The following ABI2 variants were observed in gnomAD, a reference collection of about 807,000 sequenced individuals.
ABI2 encodes abl interactor 2.
A neutral mutation model predicts 59.2 loss-of-function variants in ABI2; 25 were observed. The ratio of observed to expected loss-of-function variants is 0.42; its 90% CI spans 0.31 to 0.59. The LOEUF (loss-of-function observed/expected upper bound fraction) is 0.59. ABI2 is among the 20% of genes least tolerant of loss of function. ABI2 has a pLI of 0.14. For synonymous variants in ABI2, 213 were observed against 235.5 expected, an observed-to-expected ratio of 0.90 and a Z score of 0.87; for missense variants, 545 against 681.8, an observed-to-expected ratio of 0.80 and a Z score of 2.23.
At chr2:203,421,995 G>C (rs1276769887) in intron 11 of ABI2, among the ~76,000 whole-genome samples, 2 of 150,078 alleles carry the variant, frequency 1.3e-5, no homozygotes, top group South Asian at 2.1e-4. Flanking sequence ...TCTAGAAAGA[G>C]AGCCAGTTGC....
intron 1 of ABI2, among the ~76,000 whole-genome samples, chr2:203,338,939 TATATATATATATATATATATATAA>T (rs1188602673): frequency 2.6e-3 from 13 of 5,032 alleles, no homozygotes; most frequent in African/African-American, 3.7e-3. Context: ...TATATGTATA[TATATATATATATATATATATATAA>T]ATATATATAT....
rs2098471447 is a variant in ABI2, at chr2:203,430,184, GTTTTA to G, written c.*2835_*2839del. 6.6e-6 allele frequency: 1 copy of G among 152,028 alleles called. No homozygotes were observed. Among genetic ancestry groups the G allele is most frequent in the Admixed American group, 6.5e-5 (1 of 15,270 alleles). The allele number at this position is 152,028 out of a possible 1,614,324, so 9.4% of individuals were successfully genotyped here. On this transcript the variant is annotated 3_prime_UTR_variant, in exon 12 of 12. Transcript: ENST00000261018. ...ATCATCTGTGAGGGTAGTATTTTTT[GTTTTA>G]TTGTAAGTTTCCCTCTTTTTTTATA...
At chr2:203,407,503 G>C (rs1309076430) in intron 9 of ABI2, among the ~76,000 whole-genome samples, 1 of 152,086 alleles carries the variant, frequency 6.6e-6, no homozygotes, top group Non-Finnish European at 1.5e-5. Flanking sequence ...TTTTGAATTG[G>C]ACATCTAAAA....
intron 9 of ABI2, among the ~76,000 whole-genome samples, chr2:203,410,084 C>G (rs2097592487): frequency 6.6e-6 from 1 of 152,184 alleles, no homozygotes; most frequent in Non-Finnish European, 1.5e-5. Context: ...ACTTGCTTCT[C>G]TCAACTTGAT....
intron 8 of ABI2, among the ~76,000 whole-genome samples, chr2:203,399,958 T>C: frequency 6.6e-6 from 1 of 152,062 alleles, no homozygotes. Context: ...AAAGATTTTG[T>C]TCTGTGTTTT....
chr2:203,394,187 G>A (rs967053129), intron 5 of ABI2, among the ~76,000 whole-genome samples: 1 of 152,154 alleles, frequency 6.6e-6, no homozygotes, highest in African/African-American at 2.4e-5. Context: ...TTTAATTTCT[G>A]TATATTTGGT....
rs1371762648 is a variant in ABI2 at position 203,392,446 on chromosome 2, T to G, written c.578+1303T>G. ...GTGGAGGATAGTGCTGGAAGAGAGA[T>G]AATAGGACAGTAGGAGACCAAAGAA... On this transcript the variant is annotated intron_variant, in intron 5 of 11. Coordinates refer to ENST00000261018, the MANE Select transcript of ABI2 (RefSeq NM_001375670.1). 2.6e-5 allele frequency among the ~76,000 whole-genome samples: 4 copies of G among 152,108 alleles called. No homozygotes were observed. The East Asian group carries it at 7.7e-4, about 29-fold the overall frequency.
intron 2 of ABI2, chr2:203,376,197 C>A (rs1252468211): frequency 4.0e-6 from 5 of 1,253,074 alleles, no homozygotes; most frequent in Non-Finnish European, 4.4e-6. Context: ...GAAGTTTTGC[C>A]CCCAAGGGGA....
chr2:203,359,913 A>G (rs185804755), intron 1 of ABI2, among the ~76,000 whole-genome samples: 2 of 152,246 alleles, frequency 1.3e-5, no homozygotes, highest in East Asian at 3.9e-4. Flanking sequence ...TTGGCCAGGT[A>G]TGGTGGTTCA....
chr2:203,378,477 G>A (rs1349898658), intron 2 of ABI2, among the ~76,000 whole-genome samples: 4 of 152,048 alleles, frequency 2.6e-5, no homozygotes, highest in Non-Finnish European at 5.9e-5. Flanking sequence ...TTTATTTGAT[G>A]TTCCATTTAT....
chr2:203,373,548 C>T lies in ABI2; in HGVS notation c.285+6504C>T, dbSNP rs1015206075. On this transcript the variant is annotated intron_variant, in intron 2 of 11. Transcript: ENST00000261018. ...GAGACTAAACTAAAATTTTTCTAAGCGAGGCCCATCTTTTTTCTTTGCTAG... is the reference window on the plus strand; with the variant it reads ...GAGACTAAACTAAAATTTTTCTAAGTGAGGCCCATCTTTTTTCTTTGCTAG... Among the ~76,000 whole-genome samples the T allele has an allele frequency of 2.4e-4, 36 of 152,066 alleles. 1 individual carries two copies. The highest frequency in any genetic ancestry group is 9.2e-4 in the Admixed American group (14 of 15,266).
At chr2:203,416,855 A>C (rs2097913479) in intron 10 of ABI2, 53 bp from the exon 11 acceptor site, 1 of 1,501,660 alleles carries the variant, frequency 6.7e-7, no homozygotes, top group South Asian at 1.4e-5. Context: ...TGGATAGGAA[A>C]TACTGAACTT....
intron 1 of ABI2, among the ~76,000 whole-genome samples, chr2:203,329,727 A>G (rs550658778): frequency 2.1e-5 from 3 of 143,136 alleles, no homozygotes; most frequent in Non-Finnish European, 4.6e-5. Context: ...CCATCTCTCC[A>G]GGGATCCTTC....
chr2:203,351,758 A>C, intron 1 of ABI2: 2 of 267,708 alleles, frequency 7.5e-6, no homozygotes, highest in Non-Finnish European at 1.5e-5. Flanking sequence ...CTGGTCCCAA[A>C]CTCCTGGCCT....
At chr2:203,423,613 C>T (rs1052301344) in intron 11 of ABI2, among the ~76,000 whole-genome samples, 2 of 152,042 alleles carry the variant, frequency 1.3e-5, no homozygotes, top group African/African-American at 4.8e-5. Flanking sequence ...TTAGTAGAGG[C>T]GGGGTTTCAC....
chr2:203,408,886 C>T (rs1019848996), intron 9 of ABI2, among the ~76,000 whole-genome samples: 13 of 128,136 alleles, frequency 1.0e-4, no homozygotes, highest in Admixed American at 8.5e-5. Flanking sequence ...GGTCGGACTG[C>T]GGACTGCAGT....
At chr2:203,423,943 T>A (rs751080599) in intron 11 of ABI2, among the ~76,000 whole-genome samples, 19 of 152,244 alleles carry the variant, frequency 1.2e-4, no homozygotes, top group South Asian at 4.1e-4. Flanking sequence ...GTATTTTTAC[T>A]TTAGCAGAAA....
chr2:203,361,712 A>G (rs2093536344), intron 1 of ABI2, among the ~76,000 whole-genome samples: 1 of 152,214 alleles, frequency 6.6e-6, no homozygotes, highest in South Asian at 2.1e-4. Context: ...TCTACTTAAA[A>G]CATGACTGTT....
At chr2:203,344,970 C>T (rs142206187) in intron 1 of ABI2, among the ~76,000 whole-genome samples, 1 of 152,008 alleles carries the variant, frequency 6.6e-6, no homozygotes, top group Non-Finnish European at 1.5e-5. Flanking sequence ...AACCAGTGCT[C>T]TGTAAAATGG....
Sources: gnomAD v4.1 joint callset for allele counts (sites outside exome capture counted in the v4.1 genomes callset) on GRCh38, gnomAD v4.1.1 for gene constraint, MANE v1.5 for transcripts, NCBI Gene and HGNC (gene_info 2026-07-23, HGNC 2026-07-21) for gene names.